SNX31: variants seen among roughly 807,000 people sequenced by gnomAD.
SNX31 encodes the protein sorting nexin 31.
In SNX31, 58 loss-of-function variants were observed where a neutral mutation model predicts 65.4. The ratio of observed to expected loss-of-function variants is 0.89; its 90% CI spans 0.72 to 1.10. The LOEUF (loss-of-function observed/expected upper bound fraction) is 1.10, where lower values mean the gene tolerates loss of function less well. SNX31 is among the 50% of genes least tolerant of loss of function. The probability of loss-of-function intolerance (pLI) is 0.00; values close to 1 mark genes in which losing one functional copy is unlikely to be tolerated. For missense variants in SNX31, 523 were observed against 529.7 expected (o/e 0.99, Z 0.12); for synonymous variants, 181 against 190.1 (o/e 0.95, Z 0.39).
intron 9 of SNX31, among the ~76,000 whole-genome samples, chr8:100,597,120 C>T (rs1815172310): frequency 6.6e-6 from 1 of 151,876 alleles, no homozygotes; most frequent in African/African-American, 2.4e-5. Context: ...GTGCTTGGTA[C>T]ACAGTGGAAA....
intron 8 of SNX31, among the ~76,000 whole-genome samples, chr8:100,608,232 A>G (rs1371095457): frequency 6.6e-6 from 1 of 152,188 alleles, no homozygotes; most frequent in Non-Finnish European, 1.5e-5. Flanking sequence ...TACATTCACA[A>G]TGTTGGATAA....
At chr8:100,635,068 AAAT>A (rs1215703449) in intron 3 of SNX31, among the ~76,000 whole-genome samples, 1 of 151,900 alleles carries the variant, frequency 6.6e-6, no homozygotes, top group Non-Finnish European at 1.5e-5. Context: ...CTGTCTCAAA[AAAT>A]AAAATCAGCA....
chr8:100,603,665 G>T (rs1815861625), intron 8 of SNX31, among the ~76,000 whole-genome samples: 2 of 151,090 alleles, frequency 1.3e-5, no homozygotes, highest in South Asian at 4.2e-4. Context: ...TTGAACTCCT[G>T]ACCTCAGATA....
chr8:100,627,218 G>A (rs1193304689), intron 4 of SNX31, among the ~76,000 whole-genome samples: 2 of 152,114 alleles, frequency 1.3e-5, no homozygotes, highest in Non-Finnish European at 2.9e-5. Flanking sequence ...CAGGCGTGGT[G>A]GCACATGCCT....
chr8:100,620,593 A>G (rs540132658), intron 4 of SNX31, among the ~76,000 whole-genome samples: 43 of 152,346 alleles, frequency 2.8e-4, no homozygotes, highest in African/African-American at 9.6e-4. Context: ...TTGTATCTAC[A>G]TATATAAGAA....
chr8:100,641,795 T>C (rs992505230), intron 2 of SNX31, among the ~76,000 whole-genome samples: 12 of 149,408 alleles, frequency 8.0e-5, no homozygotes, highest in African/African-American at 2.7e-4. Context: ...TAAAATATTA[T>C]AGGCCGGGCG....
chr8:100,617,511 A>T, intron 5 of SNX31, 109 bp downstream of exon 5: 1 of 732,046 alleles, frequency 1.4e-6, no homozygotes, highest in East Asian at 2.6e-5. Flanking sequence ...TCCACAGAGT[A>T]AAACAACAGG....
At chr8:100,653,649 C>T (rs1305790317), upstream of SNX31, among the ~76,000 whole-genome samples, 1 of 152,188 alleles carries the variant, frequency 6.6e-6, no homozygotes, top group African/African-American at 2.4e-5. Context: ...TTTCAGACTT[C>T]CAGCCTCCAG....
In SNX31 at chr8:100,609,160, A is replaced by G. The variant is rs994588200; in HGVS notation, c.612-597T>C. On this transcript the variant is annotated intron_variant, in intron 7 of 13. Transcript: ENST00000311812. This position sits in a 1 kb window ranked among gnomAD's most constrained non-coding sequence, Gnocchi z 4.9. Reference sequence around the variant, plus strand: ...CACCCCCACTTTCATTTCCAGTTCCATCTCTCACCAACCCCACCACCAACG... The same window carrying G: ...CACCCCCACTTTCATTTCCAGTTCCGTCTCTCACCAACCCCACCACCAACG... 6.6e-6 allele frequency among the ~76,000 whole-genome samples: 1 copy of G among 151,826 alleles called. No homozygotes were observed. Among genetic ancestry groups the G allele is most frequent in the African/African-American group, 2.4e-5 (1 of 41,308 alleles).
chr8:100,611,951 A>G, intron 7 of SNX31, 49 bp downstream of exon 7: 1 of 1,412,084 alleles, frequency 7.1e-7, no homozygotes, highest in Non-Finnish European at 1.0e-6. Context: ...CCTGATGGGC[A>G]ATGGCGAAGT....
intron 10 of SNX31, among the ~76,000 whole-genome samples, chr8:100,589,301 C>CAAAA (rs35464482): frequency 2.1e-5 from 2 of 96,422 alleles, no homozygotes; most frequent in African/African-American, 3.7e-5. Context: ...GACTTCGTCT[C>CAAAA]AAAAAAAAAA....
At chr8:100,620,457 T>C (rs1190565324) in intron 4 of SNX31, among the ~76,000 whole-genome samples, 1 of 152,204 alleles carries the variant, frequency 6.6e-6, no homozygotes, top group Non-Finnish European at 1.5e-5. Context: ...TACATTTTAA[T>C]TCCTCCCCAC....
upstream of SNX31, among the ~76,000 whole-genome samples, chr8:100,652,744 G>A (rs1005285094): frequency 2.0e-5 from 3 of 152,048 alleles, no homozygotes; most frequent in Admixed American, 6.6e-5. Context: ...AACTTTCCAC[G>A]TCTCCTGAGT....
rs192829055 is a variant in SNX31, at chr8:100,585,640, A to C, written c.1093-1452T>G. Among the ~76,000 whole-genome samples the C allele has an allele frequency of 2.3e-3, 345 of 152,328 alleles. 1 individual carries two copies. Among genetic ancestry groups the C allele is most frequent in the South Asian group, 8.3e-3 (40 of 4,828 alleles). On this transcript the variant is annotated intron_variant, in intron 11 of 13. Coordinates refer to ENST00000311812, the MANE Select transcript of SNX31 (RefSeq NM_152628.4). ...AATTAACAGATGGGGCATTTGTGCA[A>C]ACATTTTGACTTCCTAGCTTTGCTA...
upstream of SNX31, among the ~76,000 whole-genome samples, chr8:100,654,485 C>T (rs550772524): frequency 6.6e-6 from 1 of 152,332 alleles, no homozygotes; most frequent in African/African-American, 2.4e-5. Flanking sequence ...AATAACGTTT[C>T]AGTCTGTACT....
At chr8:100,639,809 A>G (rs1427421540) in intron 2 of SNX31, among the ~76,000 whole-genome samples, 4 of 152,206 alleles carry the variant, frequency 2.6e-5, no homozygotes, top group Non-Finnish European at 5.9e-5. Context: ...CCAAGGATCT[A>G]TGGAGAAATG....
intron 4 of SNX31, among the ~76,000 whole-genome samples, chr8:100,623,844 G>A (rs1467365576): frequency 3.3e-5 from 5 of 152,182 alleles, no homozygotes; most frequent in Non-Finnish European, 5.9e-5. Flanking sequence ...CAGAGACTTT[G>A]GGTAGATCAT....
intron 12 of SNX31, 131 bp from the exon 13 acceptor site, chr8:100,577,206 A>G: frequency 1.1e-5 from 8 of 709,994 alleles, no homozygotes; most frequent in Non-Finnish European, 1.7e-5. Context: ...GTCAGCAGGT[A>G]CACCTGCTTG....
rs111290914 is a variant in SNX31 at position 100,660,581 on chromosome 8, T to C, written c.-58+2561A>G. On this transcript the variant is annotated intron_variant, in intron 1 of 5. Transcript: ENST00000520352. This position sits in a 1 kb window ranked among gnomAD's most constrained non-coding sequence, Gnocchi z 4.1. ...GGGGCTCTAACTCAAGTGGCAGGCG[T>C]CCCTGACCTGACAGAAGAAGGTTCT... Among the ~76,000 whole-genome samples, 2 of 152,176 alleles carry C rather than the reference T, an allele frequency of 1.3e-5. No homozygotes were observed. The highest frequency in any genetic ancestry group is 1.9e-4 in the East Asian group (1 of 5,182).
Sources: allele counts gnomAD v4.1 joint callset (sites outside exome capture counted in the v4.1 genomes callset), GRCh38; gene constraint gnomAD v4.1.1; non-coding constraint Gnocchi (gnomAD v3.1); transcripts MANE v1.5; gene names NCBI Gene and HGNC (gene_info 2026-07-23, HGNC 2026-07-21).